Variants in RAP1GAP2 observed in about 807,000 individuals in gnomAD.
The protein encoded by RAP1GAP2 is RAP1 GTPase activating protein 2, also known as rap1 GTPase-activating protein 2.
In RAP1GAP2, 27 loss-of-function variants were observed where a neutral mutation model predicts 95.0. That is an observed-to-expected ratio of 0.28 (90% CI 0.21 to 0.39). The LOEUF (loss-of-function observed/expected upper bound fraction) is 0.39. Among genes scored for constraint, RAP1GAP2 ranks in the 10% least tolerant of loss-of-function variants. The pLI, the probability that RAP1GAP2 is intolerant of heterozygous loss-of-function variation, is 1.00. For synonymous variants in RAP1GAP2, 373 were observed against 380.9 expected, an observed-to-expected ratio of 0.98 and a Z score of 0.24; for missense variants, 771 against 970.0, an observed-to-expected ratio of 0.79 and a Z score of 2.72.
intron 2 of RAP1GAP2, among the ~76,000 whole-genome samples, chr17:2,836,653 A>C (rs909996672): frequency 1.3e-5 from 2 of 150,212 alleles, no homozygotes; most frequent in Non-Finnish European, 3.0e-5. Context: ...AAAACAAAAC[A>C]ACAAGCAAAC....
chr17:2,972,977 A>T (rs1433418367), intron 8 of RAP1GAP2, among the ~76,000 whole-genome samples: 1 of 152,162 alleles, frequency 6.6e-6, no homozygotes, highest in Admixed American at 6.5e-5. Flanking sequence ...CTTACTCATC[A>T]TCTTCTTCTT....
chr17:2,961,241 G>A (rs1295090838), intron 4 of RAP1GAP2, among the ~76,000 whole-genome samples: 2 of 147,984 alleles, frequency 1.4e-5, no homozygotes, highest in South Asian at 2.1e-4. Flanking sequence ...GAGGCTGGGT[G>A]CAGTGGCTCA....
At position 2,962,671 on chromosome 17, in the gene RAP1GAP2, G is replaced by A. The variant is rs768439917; in HGVS notation, c.203G>A (p.Gly68Glu). 2.5e-6 allele frequency: 4 copies of A among 1,591,924 alleles called. No homozygotes were observed. The highest frequency in any genetic ancestry group is 2.7e-5 in the African/African-American group (2 of 74,558). Residue 68 changes from glycine (G) to glutamate (E), a missense_variant and splice_region_variant, in exon 5 of 25, where the codon GGG becomes GAG. Transcript: ENST00000254695. ...EFFEMLEKMQ[G>E]IKLEEQKPGP... ...ATCCTGTTTTCCTTGTTTCTATAGG[G>A]GATCAAGCTTGAAGAGCAGAAGCCG...
intron 17 of RAP1GAP2, among the ~76,000 whole-genome samples, chr17:3,011,036 C>T (rs940403562): frequency 1.3e-5 from 2 of 152,026 alleles, no homozygotes; most frequent in African/African-American, 4.8e-5. Flanking sequence ...AAGTGATTAT[C>T]CTACCTCAGC....
At position 2,896,790 on chromosome 17, in the gene RAP1GAP2, C is replaced by A. The variant is rs117098896; in HGVS notation, c.81-8494C>A. ...AGTTTAGGACTTCAGGTCCTGTCCT[C>A]ATCTAATGCACCTGGAGGGCAGCAG... On this transcript the variant is annotated intron_variant, in intron 2 of 24. Coordinates refer to ENST00000254695, the MANE Select transcript of RAP1GAP2 (RefSeq NM_015085.5). Among the ~76,000 whole-genome samples the A allele has an allele frequency of 9.9e-3, 1,502 of 152,308 alleles. 46 individuals carry two copies. The highest frequency in any genetic ancestry group is 0.061 in the East Asian group (316 of 5,162).
intron 8 of RAP1GAP2, among the ~76,000 whole-genome samples, chr17:2,974,712 A>G (rs1239596539): frequency 1.3e-5 from 2 of 152,158 alleles, no homozygotes; most frequent in East Asian, 3.8e-4. Context: ...GTTGTTGCTT[A>G]TTTGTGCCCC....
At chr17:2,812,938 C>T (rs2069835075) in intron 2 of RAP1GAP2, among the ~76,000 whole-genome samples, 1 of 149,328 alleles carries the variant, frequency 6.7e-6, no homozygotes, top group Admixed American at 6.7e-5. Context: ...TGCAGTGAGC[C>T]GAGATCGCAC....
chr17:2,767,881 T>G (rs2068307960), intron 1 of RAP1GAP2, among the ~76,000 whole-genome samples: 1 of 151,986 alleles, frequency 6.6e-6, no homozygotes, highest in Non-Finnish European at 1.5e-5. Flanking sequence ...TACAGGTACC[T>G]GCCACCACGC....
rs1344605078 is a variant in RAP1GAP2 at position 2,962,719 on chromosome 17, G to A, written c.246+5G>A. On this transcript the variant is annotated splice_donor_5th_base_variant and intron_variant, in intron 5 of 24. Coordinates refer to ENST00000254695, the MANE Select transcript of RAP1GAP2 (RefSeq NM_015085.5). ...CCGGGACCCCAGAAGAACAAGGTGG[G>A]CTGGGTGGGTGAGGGGGTGGCCAGA... is the stretch of plus-strand genomic sequence containing the variant. The A allele has an allele frequency of 1.3e-6, 2 of 1,593,544 alleles. No individual in the cohort carries two copies. Among genetic ancestry groups the A allele is most frequent in the East Asian group, 2.3e-5 (1 of 43,998 alleles).
rs75760936 is a variant in RAP1GAP2, at chr17:2,921,715, A to G, written c.165+16347A>G. On this transcript the variant is annotated intron_variant, in intron 3 of 24. Transcript: ENST00000254695. ...GTGTCCGCAGGGCCGTTATGTGTCC[A>G]CAGGGCCGTTAAGGTGTCAGCAGGA... is the stretch of plus-strand genomic sequence containing the variant. Among the ~76,000 whole-genome samples, 817 of 149,644 alleles carry G rather than the reference A, an allele frequency of 5.5e-3. 10 individuals carry two copies. The highest frequency in any genetic ancestry group is 0.019 in the African/African-American group (749 of 40,278).
At chr17:2,935,895 C>T (rs1340454461) in intron 3 of RAP1GAP2, among the ~76,000 whole-genome samples, 3 of 152,032 alleles carry the variant, frequency 2.0e-5, no homozygotes, top group African/African-American at 4.8e-5. Context: ...GAAGGAAACG[C>T]GGCCGATCTG....
rs1161042157 is a variant in RAP1GAP2, at chr17:2,855,593, G to T, written c.81-49691G>T. Among the ~76,000 whole-genome samples, 2 of 152,136 alleles carry T rather than the reference G, an allele frequency of 1.3e-5. No homozygotes were observed. The highest frequency in any genetic ancestry group is 4.8e-5 in the African/African-American group (2 of 41,416). The stretch of plus-strand genomic sequence containing the variant: ...TCTCTTTAAACATATGAAGTCACAA[G>T]AATTAATCTATTTTATTTATTTATT... On this transcript the variant is annotated intron_variant, in intron 2 of 24. Coordinates refer to ENST00000254695, the MANE Select transcript of RAP1GAP2 (RefSeq NM_015085.5). This position sits in a 1 kb window ranked among gnomAD's most constrained non-coding sequence, Gnocchi z 4.3.
intron 2 of RAP1GAP2, among the ~76,000 whole-genome samples, chr17:2,822,508 T>C (rs74930442): frequency 2.6e-3 from 395 of 152,018 alleles, no homozygotes; most frequent in African/African-American, 9.0e-3. Flanking sequence ...GTGCCTGTAG[T>C]CTCAGCTACT....
Position 2,932,842 on chromosome 17 carries a change from A to AAAAAAGG in RAP1GAP2, c.166-24916_166-24915insAAAAGGA, listed in dbSNP as rs140254643. On this transcript the variant is annotated intron_variant, in intron 3 of 24. Transcript: ENST00000254695. ...AAAAAAAGAAAAAAAAAAAAAAAAA[A>AAAAAAGG]AGAGCAGGGACCACGGGCAGGGTAT... Among the ~76,000 whole-genome samples the AAAAAAGG allele has an allele frequency of 6.7e-4, 63 of 94,152 alleles. 16 individuals carry two copies. Among genetic ancestry groups the AAAAAAGG allele is most frequent in the African/African-American group, 9.4e-4 (23 of 24,344 alleles). 61.8% of individuals were successfully genotyped at this position (94,152 alleles called of 152,430 possible).
intron 1 of RAP1GAP2, among the ~76,000 whole-genome samples, chr17:2,768,527 A>G (rs536010147): frequency 1.1e-3 from 166 of 152,068 alleles, no homozygotes; most frequent in Non-Finnish European, 3.2e-4. Context: ...CCCCATCTCT[A>G]CTAAAAATAC....
chr17:2,769,188 C>T (rs979094468), intron 1 of RAP1GAP2, among the ~76,000 whole-genome samples: 8 of 136,002 alleles, frequency 5.9e-5, no homozygotes, highest in African/African-American at 8.4e-5. Context: ...ACTATAATTG[C>T]GCCACTGCAC....
intron 8 of RAP1GAP2, among the ~76,000 whole-genome samples, chr17:2,977,670 G>A (rs1368435434): frequency 1.3e-5 from 2 of 149,776 alleles, no homozygotes; most frequent in South Asian, 2.1e-4. Flanking sequence ...GCTTGAACCC[G>A]GGAGGCAGAG....
At chr17:2,795,358 A>C (rs912123610), upstream of RAP1GAP2, among the ~76,000 whole-genome samples, 3 of 152,192 alleles carry the variant, frequency 2.0e-5, no homozygotes, top group Admixed American at 6.5e-5. Flanking sequence ...AGGTGTGGTC[A>C]GCACCAGTGC....
chr17:2,860,988 A>G (rs1290600378), intron 2 of RAP1GAP2, among the ~76,000 whole-genome samples: 1 of 151,850 alleles, frequency 6.6e-6, no homozygotes, highest in African/African-American at 2.4e-5. Context: ...CTCACCTCCC[A>G]ACTTGTCGTC....
Sources: allele counts gnomAD v4.1 joint callset (sites outside exome capture counted in the v4.1 genomes callset), GRCh38; gene constraint gnomAD v4.1.1; non-coding constraint Gnocchi (gnomAD v3.1); transcripts MANE v1.5; gene names NCBI Gene and HGNC (gene_info 2026-07-23, HGNC 2026-07-21).